The following GSTA3 variants were observed in gnomAD, a reference collection of about 807,000 sequenced individuals.
The protein encoded by GSTA3 is glutathione S-transferase alpha 3.
A neutral mutation model predicts 23.1 loss-of-function variants in GSTA3; 16 were observed. The observed-to-expected ratio is 0.69, with a 90% CI of 0.47 to 1.05. The LOEUF (loss-of-function observed/expected upper bound fraction) is 1.05. GSTA3 is among the 50% of genes least tolerant of loss of function. GSTA3 has a pLI of 0.00. For synonymous variants in GSTA3, 122 were observed against 91.0 expected (o/e 1.34, Z -1.94); for missense variants, 319 against 263.6 (o/e 1.21, Z -1.46).
intron 6 of GSTA3, among the ~76,000 whole-genome samples, chr6:52,897,339 T>A (rs1765483583): frequency 6.6e-6 from 1 of 152,256 alleles, no homozygotes; most frequent in African/African-American, 2.4e-5. Context: ...GGACCACGTT[T>A]TCTCAGTGAG....
Position 52,897,852 on chromosome 6 carries a change from G to A in GSTA3, c.519C>T (p.Ser173=). The A allele has an allele frequency of 1.2e-6, 2 of 1,613,788 alleles. No individual in the cohort carries two copies. The highest frequency in any genetic ancestry group is 1.7e-6 in the Non-Finnish European group (2 of 1,179,852). ...LLYYVEELDS[S]LISNFPLLKA... is the part of the protein sequence containing the mutation. ...TCAGCAGAGGGAAGTTGGAGATAAGGCTGGAGTCAAGCTCTTCCACATAGT... is the reference window on the plus strand; with the variant it reads ...TCAGCAGAGGGAAGTTGGAGATAAGACTGGAGTCAAGCTCTTCCACATAGT... The change falls in exon 6 of 7, where the codon AGC becomes AGT. Residue 173 remains serine, a synonymous_variant. Transcript: ENST00000211122.
At chr6:52,899,392 GGA>G (rs1440989248) in intron 5 of GSTA3, among the ~76,000 whole-genome samples, 3 of 152,142 alleles carry the variant, frequency 2.0e-5, no homozygotes, top group Non-Finnish European at 4.4e-5. Context: ...GAAGTGTCTA[GGA>G]GTGAACTGCA....
intron 4 of GSTA3, among the ~76,000 whole-genome samples, chr6:52,900,314 G>C (rs1288496270): frequency 6.8e-6 from 1 of 147,820 alleles, no homozygotes; most frequent in Non-Finnish European, 1.5e-5. Context: ...CCAAGCCAGA[G>C]TGAGGTTATA....
At chr6:52,903,528 C>T (rs899686259) in intron 3 of GSTA3, 148 bp downstream of exon 3, 9 of 411,918 alleles carry the variant, frequency 2.2e-5, no homozygotes, top group Non-Finnish European at 3.5e-5. Flanking sequence ...ACCTGGGAGG[C>T]GGAGCTTGCA....
chr6:52,906,380 G>T (rs1351084179), intron 1 of GSTA3, among the ~76,000 whole-genome samples: 4 of 152,070 alleles, frequency 2.6e-5, no homozygotes, highest in Non-Finnish European at 5.9e-5. Flanking sequence ...TTCCTGTTAT[G>T]CCTCATTATT....
chr6:52,899,121 G>C (rs1431806602), intron 5 of GSTA3, among the ~76,000 whole-genome samples: 1 of 151,750 alleles, frequency 6.6e-6, no homozygotes, highest in African/African-American at 2.4e-5. Flanking sequence ...AATCGGAATG[G>C]GTCAGGGTGG....
intron 6 of GSTA3, 89 bp from the exon 7 acceptor site, chr6:52,897,017 A>C: frequency 6.4e-7 from 1 of 1,559,380 alleles, no homozygotes; most frequent in Non-Finnish European, 8.7e-7. Flanking sequence ...CTCCTGCCAG[A>C]GACCAAGTGA....
At chr6:52,905,652 T>C in intron 2 of GSTA3, 96 bp downstream of exon 2, 1 of 673,692 alleles carries the variant, frequency 1.5e-6, no homozygotes. Context: ...GGCCAAAATA[T>C]TCACAGGTCA....
In GSTA3 at chr6:52,902,387, G is replaced by A. The variant is rs200269918; in HGVS notation, c.231C>T (p.Ser77=). The A allele has an allele frequency of 1.2e-4, 197 of 1,613,942 alleles. No individual in the cohort carries two copies. The highest frequency in any genetic ancestry group is 1.6e-4 in the Non-Finnish European group (184 of 1,179,888). ...TGTCTTTCCCGTAGAGGTTGTATTT[G>A]CTGGCAATGTAGTTGAGAATGGCTC... ...QTRAILNYIA[S]KYNLYGKDIK... The change falls in exon 4 of 7, where the codon AGC becomes AGT. Residue 77 remains serine (S), a synonymous_variant. Transcript: ENST00000211122.
At chr6:52,900,251 T>C (rs957315702) in intron 4 of GSTA3, among the ~76,000 whole-genome samples, 176 bp from the exon 5 acceptor site, 1 of 150,222 alleles carries the variant, frequency 6.7e-6, no homozygotes, top group African/African-American at 2.5e-5. Flanking sequence ...CGTTTCCTTC[T>C]TTCTTTCTTT....
intron 4 of GSTA3, among the ~76,000 whole-genome samples, chr6:52,901,815 GT>G (rs1419342015): frequency 6.6e-6 from 1 of 152,174 alleles, no homozygotes; most frequent in Non-Finnish European, 1.5e-5. Flanking sequence ...TTGAATCCAT[GT>G]TTCCAGGCAA....
chr6:52,906,548 T>C (rs1765895800), intron 1 of GSTA3, among the ~76,000 whole-genome samples: 2 of 152,218 alleles, frequency 1.3e-5, no homozygotes, highest in African/African-American at 4.8e-5. Context: ...CATCACACTA[T>C]CTCACTTCAA....
chr6:52,898,854 C>T (rs1470193617), intron 5 of GSTA3, among the ~76,000 whole-genome samples: 1 of 152,196 alleles, frequency 6.6e-6, no homozygotes, highest in Non-Finnish European at 1.5e-5. Flanking sequence ...GTGGCCCCTG[C>T]TGCTGTGTCT....
intron 1 of GSTA3, among the ~76,000 whole-genome samples, chr6:52,906,749 T>C (rs929770611): frequency 6.6e-6 from 1 of 151,178 alleles, no homozygotes; most frequent in Non-Finnish European, 1.5e-5. Context: ...CTGGGAAAAC[T>C]GGCTAGCCAT....
In GSTA3 at chr6:52,906,203, C is replaced by T. The variant is rs977666832; in HGVS notation, c.-21-348G>A. Among the ~76,000 whole-genome samples the T allele has an allele frequency of 2.6e-5, 4 of 152,154 alleles. No individual in the cohort carries two copies. In the South Asian group the frequency reaches 8.3e-4, roughly 32 times the overall value. On this transcript the variant is annotated intron_variant, in intron 1 of 6. Transcript: ENST00000211122. ...TTCTATTGATATATCTAGTTCTCCC[C>T]TCAAGAGTTCCCAAATTATTGAGCT...
intron 4 of GSTA3, among the ~76,000 whole-genome samples, chr6:52,901,602 A>G (rs924653737): frequency 5.3e-5 from 8 of 152,242 alleles, no homozygotes; most frequent in African/African-American, 1.9e-4. Flanking sequence ...GTTTATGTAC[A>G]AGATTTGGTG....
intron 4 of GSTA3, 30 bp from the exon 5 acceptor site, chr6:52,900,105 A>G: frequency 6.3e-7 from 1 of 1,585,810 alleles, no homozygotes; most frequent in Non-Finnish European, 8.6e-7. Flanking sequence ...AAAGCATCAA[A>G]TGCCTCTTGC....
intron 1 of GSTA3, among the ~76,000 whole-genome samples, chr6:52,906,618 T>C (rs907135587): frequency 7.0e-4 from 106 of 152,146 alleles, no homozygotes; most frequent in Non-Finnish European, 1.2e-3. Context: ...AACAGAGATA[T>C]AGATCAATGG....
Position 52,902,417 on chromosome 6 carries a change from C to T in GSTA3, c.201G>A (p.Gln67=). 6.2e-7 allele frequency: 1 copy of T among 1,614,000 alleles called. No individual in the cohort carries two copies. ...MVEIDGMKLV[Q]TRAILNYIAS... Reference sequence around the variant, plus strand: ...CAATGTAGTTGAGAATGGCTCTGGTCTGTACCAACTTCATCCCATCAATCT... The same window carrying T: ...CAATGTAGTTGAGAATGGCTCTGGTTTGTACCAACTTCATCCCATCAATCT... The change falls in exon 4 of 7, where the codon CAG becomes CAA. Residue 67 remains glutamine, a synonymous_variant. Transcript: ENST00000211122.
Sources: allele counts gnomAD v4.1 joint callset (sites outside exome capture counted in the v4.1 genomes callset), GRCh38; gene constraint gnomAD v4.1.1; transcripts MANE v1.5; gene names NCBI Gene and HGNC (gene_info 2026-07-23, HGNC 2026-07-21).